SOX5: variants seen among roughly 807,000 people sequenced by gnomAD.
The protein encoded by SOX5 is SRY-box transcription factor 5.
In SOX5, 9 loss-of-function variants were observed where a neutral mutation model predicts 92.0. The ratio of observed to expected loss-of-function variants is 0.10; its 90% CI spans 0.06 to 0.17. The LOEUF (loss-of-function observed/expected upper bound fraction) is 0.17. SOX5 is among the 10% of genes least tolerant of loss of function. The pLI, the probability that SOX5 is intolerant of heterozygous loss-of-function variation, is 1.00. For synonymous variants in SOX5, 344 were observed against 336.3 expected (o/e 1.02, Z -0.25); for missense variants, 642 against 944.5 (o/e 0.68, Z 4.20).
intron 3 of SOX5, among the ~76,000 whole-genome samples, chr12:23,799,695 T>G (rs892946895): frequency 1.3e-5 from 2 of 151,996 alleles, no homozygotes; most frequent in African/African-American, 4.8e-5. Flanking sequence ...TTTGCCTCCA[T>G]AAAGTACACA....
intron 1 of SOX5, among the ~76,000 whole-genome samples, chr12:24,490,150 G>A (rs543488482): frequency 6.6e-5 from 10 of 152,346 alleles, no homozygotes; most frequent in African/African-American, 2.4e-4. Flanking sequence ...ATGCTGCAAT[G>A]AAGAGAGGAG....
chr12:23,712,560 T>G (rs2092151857), intron 6 of SOX5, among the ~76,000 whole-genome samples: 1 of 152,204 alleles, frequency 6.6e-6, no homozygotes, highest in Non-Finnish European at 1.5e-5. Flanking sequence ...TTAGTATTAT[T>G]AGCTAGAATT....
chr12:23,781,346 A>C (rs774976537), intron 3 of SOX5, among the ~76,000 whole-genome samples: 1 of 151,732 alleles, frequency 6.6e-6, no homozygotes, highest in African/African-American at 2.4e-5. Flanking sequence ...TCTATGTGTT[A>C]TGATACTGCT....
At chr12:24,113,696 G>T (rs1947641307) in intron 4 of SOX5, among the ~76,000 whole-genome samples, 1 of 152,154 alleles carries the variant, frequency 6.6e-6, no homozygotes, top group African/African-American at 2.4e-5. Flanking sequence ...TCTGGACAAT[G>T]AAAGGGGCAA....
intron 2 of SOX5, among the ~76,000 whole-genome samples, chr12:23,880,926 G>A (rs775094367): frequency 7.9e-5 from 12 of 152,204 alleles, no homozygotes; most frequent in African/African-American, 2.2e-4. Context: ...GAATAAAATC[G>A]TTTTTTCTAC....
intron 4 of SOX5, among the ~76,000 whole-genome samples, chr12:24,012,789 C>T (rs1361987450): frequency 6.6e-6 from 1 of 152,062 alleles, no homozygotes; most frequent in Non-Finnish European, 1.5e-5. Flanking sequence ...AGGTTGATAC[C>T]TAAGGTCTTG....
chr12:24,419,217 C>T (rs1965527671), intron 1 of SOX5, among the ~76,000 whole-genome samples: 1 of 152,126 alleles, frequency 6.6e-6, no homozygotes, highest in African/African-American at 2.4e-5. Flanking sequence ...CAACCTCCAC[C>T]TCCTCGGTTA....
chr12:23,776,617 AT>A (rs903276801), intron 3 of SOX5, among the ~76,000 whole-genome samples: 12 of 151,124 alleles, frequency 7.9e-5, no homozygotes, highest in East Asian at 7.8e-4. Flanking sequence ...CGTGGAAGAC[AT>A]TTTTTTTTAA....
At chr12:24,240,835 C>A (rs1965426115) in intron 3 of SOX5, among the ~76,000 whole-genome samples, 1 of 152,150 alleles carries the variant, frequency 6.6e-6, no homozygotes, top group Non-Finnish European at 1.5e-5. Context: ...TTCTATTTTT[C>A]CATACCAATT....
At chr12:23,802,906 T>A (rs749265535) in intron 3 of SOX5, among the ~76,000 whole-genome samples, 75 of 152,290 alleles carry the variant, frequency 4.9e-4, no homozygotes, top group Non-Finnish European at 8.8e-4. Flanking sequence ...TCAACCACAC[T>A]ACAGAATATT....
chr12:24,007,958 T>A (rs544542240), intron 4 of SOX5, among the ~76,000 whole-genome samples: 40 of 151,654 alleles, frequency 2.6e-4, no homozygotes, highest in Non-Finnish European at 5.2e-4. Flanking sequence ...TCACAAAGCC[T>A]TCCTAATTAA....
chr12:23,550,631 AT>A (rs913556002), intron 11 of SOX5, among the ~76,000 whole-genome samples: 1 of 151,790 alleles, frequency 6.6e-6, no homozygotes, highest in African/African-American at 2.4e-5. Context: ...ATTCTCAGAA[AT>A]TTCCCCTCTT....
intron 9 of SOX5, among the ~76,000 whole-genome samples, chr12:23,581,109 C>T (rs1246239234): frequency 1.3e-5 from 2 of 151,898 alleles, no homozygotes; most frequent in African/African-American, 4.8e-5. Flanking sequence ...AGAAATCAAA[C>T]ATAATTTAAC....
chr12:24,000,232 G>A (rs751122006), intron 4 of SOX5, among the ~76,000 whole-genome samples: 12 of 151,290 alleles, frequency 7.9e-5, no homozygotes, highest in African/African-American at 1.2e-4. Flanking sequence ...ACTTCGATCC[G>A]CAGAAAGAAA....
chr12:24,552,390 A>T (rs1953279713), intron 1 of SOX5, among the ~76,000 whole-genome samples: 2 of 152,228 alleles, frequency 1.3e-5, no homozygotes, highest in African/African-American at 4.8e-5. Context: ...AAGAATCACC[A>T]GTCACACTTG....
At chr12:24,480,898 C>T (rs148314774) in intron 1 of SOX5, among the ~76,000 whole-genome samples, 31 of 152,028 alleles carry the variant, frequency 2.0e-4, no homozygotes, top group South Asian at 1.9e-3. Flanking sequence ...AGCCATCCCA[C>T]GGCTGGGTAT....
At chr12:23,850,805 A>T (rs531219211) in intron 2 of SOX5, among the ~76,000 whole-genome samples, 1 of 152,238 alleles carries the variant, frequency 6.6e-6, no homozygotes, top group African/African-American at 2.4e-5. Context: ...GAAGATAGCT[A>T]TAAATGCTAT....
chr12:23,938,542 C>T (rs762102536), intron 1 of SOX5, among the ~76,000 whole-genome samples: 19 of 150,930 alleles, frequency 1.3e-4, no homozygotes, highest in South Asian at 6.2e-4. Flanking sequence ...ATTTATTCTA[C>T]GAAATGATTC....
intron 4 of SOX5, among the ~76,000 whole-genome samples, chr12:24,163,635 A>AAG (rs60572054): frequency 0.39 from 59,378 of 151,560 alleles, 12,268 homozygotes; most frequent in Non-Finnish European, 0.47. Context: ...AATGGCTTTA[A>AAG]AGAGTATGAA....
Sources: gnomAD v4.1 joint callset for allele counts (sites outside exome capture counted in the v4.1 genomes callset) on GRCh38, gnomAD v4.1.1 for gene constraint, MANE v1.5 for transcripts, NCBI Gene and HGNC (gene_info 2026-07-23, HGNC 2026-07-21) for gene names.